The following OPA1 variants were observed in gnomAD, a reference collection of about 807,000 sequenced individuals.
OPA1 encodes the protein OPA1 mitochondrial dynamin like GTPase.
Under a neutral mutation model 152.9 loss-of-function variants are expected in OPA1, and 59 were observed. That is an observed-to-expected ratio of 0.39 (90% confidence interval 0.31 to 0.48). The LOEUF (loss-of-function observed/expected upper bound fraction) is 0.48, where lower values mean the gene tolerates loss of function less well. OPA1 is among the 20% of genes least tolerant of loss of function. The probability of loss-of-function intolerance (pLI) is 0.96; values close to 1 mark genes in which losing one functional copy is unlikely to be tolerated. For missense variants in OPA1, 1,008 were observed against 1,216.8 expected (o/e 0.83, Z 2.55); for synonymous variants, 400 against 389.9 (o/e 1.03, Z -0.31).
intron 1 of OPA1, among the ~76,000 whole-genome samples, chr3:193,606,563 A>G (rs1260509165): frequency 6.6e-6 from 1 of 152,162 alleles, no homozygotes; most frequent in East Asian, 1.9e-4. Flanking sequence ...GATGGTTTCC[A>G]GCTTCATCCA....
chr3:193,643,835 G>T, intron 15 of OPA1, 140 bp from the exon 16 acceptor site: 1 of 1,016,182 alleles, frequency 9.8e-7, no homozygotes, highest in East Asian at 2.6e-5. Context: ...TATCGGCTAG[G>T]ATTTCTTTTT....
chr3:193,654,848 CTT>C lies in OPA1; in HGVS notation c.2013-9_2013-8del. 1.2e-6 allele frequency: 2 copies of C among 1,612,530 alleles called. No individual in the cohort carries two copies. The highest frequency in any genetic ancestry group is 1.7e-6 in the Non-Finnish European group (2 of 1,179,126). On this transcript the variant is annotated splice_polypyrimidine_tract_variant and intron_variant, in intron 21 of 30. Coordinates refer to ENST00000361510, the MANE Select transcript of OPA1 (RefSeq NM_130837.3). ...ATATTTAGATTTGGTGCTTTTGATA[CTT>C]TTTTATTTCAGGGAGGAAATCCTTC...
chr3:193,651,700 T>C (rs1479661263), intron 21 of OPA1, among the ~76,000 whole-genome samples: 1 of 152,190 alleles, frequency 6.6e-6, no homozygotes, highest in Non-Finnish European at 1.5e-5. Context: ...AATATACTTT[T>C]AGATTTAAAA....
At chr3:193,676,943 T>G (rs945261255) in intron 29 of OPA1, among the ~76,000 whole-genome samples, 2 of 127,732 alleles carry the variant, frequency 1.6e-5, no homozygotes, top group African/African-American at 3.1e-5. Context: ...ATCGCGCCAC[T>G]GCACTCCAGC....
At position 193,648,912 on chromosome 3, in the gene OPA1, T is replaced by C. The variant is rs370043269; in HGVS notation, c.2012+41T>C. ...TAATCTCTTTTCTGAAAGACTTTAC[T>C]GTACAGGTTATAATGAAATGCTAAA... On this transcript the variant is annotated intron_variant, in intron 21 of 30. Transcript: ENST00000361510. 67 of 1,272,418 alleles carry C rather than the reference T, an allele frequency of 5.3e-5. No individual in the cohort carries two copies. In the African/African-American group the frequency reaches 8.9e-4, roughly 17 times the overall value. The allele number at this position is 1,272,418 out of a possible 1,614,324, so 78.8% of individuals were successfully genotyped here.
intron 26 of OPA1, 42 bp downstream of exon 26, chr3:193,663,004 A>G: frequency 6.2e-7 from 1 of 1,603,850 alleles, no homozygotes; most frequent in South Asian, 1.1e-5. Flanking sequence ...CTTCCTTAAT[A>G]TTTGTTTCTT....
intron 29 of OPA1, among the ~76,000 whole-genome samples, chr3:193,691,215 C>T (rs751562773): frequency 1.8e-4 from 27 of 152,124 alleles, no homozygotes; most frequent in Non-Finnish European, 3.5e-4. Flanking sequence ...AGTAGGACCC[C>T]CATCTCAGAA....
intron 1 of OPA1, among the ~76,000 whole-genome samples, chr3:193,604,870 A>G (rs1284127027): frequency 2.0e-5 from 2 of 100,778 alleles, no homozygotes; most frequent in Admixed American, 1.1e-4. Context: ...CAAAAAAAAA[A>G]AAAAAGAAAA....
At chr3:193,643,895 A>G (rs2109046268) in intron 15 of OPA1, 80 bp from the exon 16 acceptor site, 1 of 1,393,100 alleles carries the variant, frequency 7.2e-7, no homozygotes, top group South Asian at 1.2e-5. Flanking sequence ...ATGTAGACAC[A>G]GGGGTATAAT....
intron 2 of OPA1, among the ~76,000 whole-genome samples, chr3:193,615,383 TC>T (rs1221941672): frequency 6.6e-5 from 10 of 152,206 alleles, no homozygotes; most frequent in African/African-American, 2.4e-4. Context: ...AGGCAAGGCG[TC>T]CTGTCTCCCA....
chr3:193,690,073 C>T (rs772976562), intron 29 of OPA1, among the ~76,000 whole-genome samples: 12 of 149,468 alleles, frequency 8.0e-5, no homozygotes, highest in Non-Finnish European at 1.8e-4. Flanking sequence ...AATTTTTAAA[C>T]TAAGAATGTG....
In OPA1 at chr3:193,648,415, A is replaced by G. The variant is rs76514410; in HGVS notation, c.1935+281A>G. On this transcript the variant is annotated intron_variant, in intron 20 of 30. Transcript: ENST00000361510. ...TTTAAAGGTTTTGTAGAATTCGTGT[A>G]TTCCTGTAATTTAGTGGGAATTAAA... 8.9e-3 allele frequency: 3,507 copies of G among 396,062 alleles called. 126 individuals carry two copies. Among genetic ancestry groups the G allele is most frequent in the African/African-American group, 0.066 (3,238 of 48,964 alleles). The allele number at this position is 396,062 out of a possible 1,614,324, so 24.5% of individuals were successfully genotyped here.
At chr3:193,683,412 G>C (rs886614182) in intron 29 of OPA1, among the ~76,000 whole-genome samples, 4 of 151,906 alleles carry the variant, frequency 2.6e-5, no homozygotes, top group African/African-American at 9.7e-5. Context: ...AGATAAAGCA[G>C]CTGCAGGGTT....
chr3:193,603,218 G>A (rs1472699308), intron 1 of OPA1, among the ~76,000 whole-genome samples: 10 of 152,206 alleles, frequency 6.6e-5, no homozygotes, highest in Non-Finnish European at 1.0e-4. Context: ...CCAGGCGGCC[G>A]TCCGGGCCCT....
chr3:193,644,280 C>A, intron 16 of OPA1, 175 bp downstream of exon 16: 1 of 674,684 alleles, frequency 1.5e-6, no homozygotes. Flanking sequence ...GGTATGAAGT[C>A]TGAAGGAAAC....
intron 11 of OPA1, among the ~76,000 whole-genome samples, chr3:193,642,470 C>G (rs543867470): frequency 6.6e-6 from 1 of 152,308 alleles, no homozygotes; most frequent in East Asian, 1.9e-4. Context: ...CTGTGTATAG[C>G]ATTGACTGGG....
chr3:193,594,795 T>C (rs1268608307), intron 1 of OPA1, among the ~76,000 whole-genome samples: 3 of 152,252 alleles, frequency 2.0e-5, no homozygotes, highest in Non-Finnish European at 4.4e-5. Flanking sequence ...ATTTTTAATC[T>C]CATGGAATTT....
rs557902470 is a variant in OPA1, at chr3:193,671,896, T to C, written c.2983+4616T>C. 2.2e-3 allele frequency among the ~76,000 whole-genome samples: 341 copies of C among 152,354 alleles called. 1 individual carries two copies. The highest frequency in any genetic ancestry group is 2.1e-3 in the Non-Finnish European group (146 of 68,030). On this transcript the variant is annotated intron_variant, in intron 29 of 30. Transcript: ENST00000361510. ...ACACTGAGTTACCTCATGGATAATTTAATAGGATATGCAGCTGATTTTTCT... is the reference window on the plus strand; with the variant it reads ...ACACTGAGTTACCTCATGGATAATTCAATAGGATATGCAGCTGATTTTTCT...
rs1728655434 is a variant in OPA1 at position 193,614,020 on chromosome 3, T to C, written c.33-703T>C. On this transcript the variant is annotated intron_variant, in intron 1 of 30. Coordinates refer to ENST00000361510, the MANE Select transcript of OPA1 (RefSeq NM_130837.3). ...ATGCAACTATGAGTGTATGTTAAGATATGGTTGTTGGTAACCTTTCATTCT... is the reference window on the plus strand; with the variant it reads ...ATGCAACTATGAGTGTATGTTAAGACATGGTTGTTGGTAACCTTTCATTCT... The C allele has an allele frequency of 3.9e-5, 20 of 516,192 alleles. 1 individual carries two copies. The highest frequency in any genetic ancestry group is 2.7e-4 in the South Asian group (19 of 70,876). The allele number at this position is 516,192 out of a possible 1,614,324, so 32.0% of individuals were successfully genotyped here.
Sources: gnomAD v4.1 joint callset for allele counts (sites outside exome capture counted in the v4.1 genomes callset) on GRCh38, gnomAD v4.1.1 for gene constraint, MANE v1.5 for transcripts, NCBI Gene and HGNC (gene_info 2026-07-23, HGNC 2026-07-21) for gene names.